The following SUPT6H variants were observed in gnomAD, a reference collection of about 807,000 sequenced individuals.
SUPT6H encodes the protein transcription elongation factor SPT6.
Under a neutral mutation model 222.3 loss-of-function variants are expected in SUPT6H, and 11 were observed. The ratio of observed to expected loss-of-function variants is 0.05; its 90% confidence interval spans 0.03 to 0.08. The LOEUF is 0.08. Ranked by LOEUF, SUPT6H falls within the 10% of genes least tolerant of loss-of-function variation. The pLI is 1.00. For synonymous variants in SUPT6H, 762 were observed against 801.2 expected, an observed-to-expected ratio of 0.95 and a Z score of 0.83; for missense variants, 1,422 against 2,216.0, an observed-to-expected ratio of 0.64 and a Z score of 7.19.
Position 28,697,045 on chromosome 17 carries a change from C to A in SUPT6H, c.4172C>A (p.Ala1391Asp). The change falls in exon 30 of 37, where the codon GCC becomes GAC. Residue 1391 changes from alanine (A) to aspartate (D), a missense_variant. Coordinates refer to ENST00000314616, the MANE Select transcript of SUPT6H (RefSeq NM_003170.5). ...VDVREEGKEN[A>D]FSLGATLWIN... ...GTGCGGGAGGAGGGCAAGGAAAATG[C>A]CTTCAGCCTGGGAGCCACTCTGTGG... 1 of 1,614,004 alleles carries A rather than the reference C, an allele frequency of 6.2e-7. No individual in the cohort carries two copies. The highest frequency in any genetic ancestry group is 8.5e-7 in the Non-Finnish European group (1 of 1,179,986).
chr17:28,697,820 T>G, intron 31 of SUPT6H, 86 bp from the exon 32 acceptor site: 1 of 1,605,580 alleles, frequency 6.2e-7, no homozygotes, highest in Non-Finnish European at 8.5e-7. Flanking sequence ...ACTCAGGCGG[T>G]GAAGGAAGTG....
At chr17:28,699,561 C>T (rs1386061690) in intron 32 of SUPT6H, among the ~76,000 whole-genome samples, 3 of 152,198 alleles carry the variant, frequency 2.0e-5, no homozygotes, top group African/African-American at 4.8e-5. Flanking sequence ...CTTCCTCCGG[C>T]AGTCCGTATG....
intron 20 of SUPT6H, 90 bp downstream of exon 20, chr17:28,686,505 G>A: frequency 6.5e-7 from 1 of 1,536,404 alleles, no homozygotes; most frequent in Non-Finnish European, 8.9e-7. Flanking sequence ...AACAGATGGG[G>A]CTTGTGCTTG....
chr17:28,698,082 G>A (rs1406381156), intron 32 of SUPT6H, 52 bp downstream of exon 32: 1 of 1,581,686 alleles, frequency 6.3e-7, no homozygotes, highest in Non-Finnish European at 8.5e-7. Context: ...AGGCAGGCTA[G>A]AAGGCAGGGA....
At chr17:28,679,816 C>G (rs2030989857) in intron 11 of SUPT6H, among the ~76,000 whole-genome samples, 2 of 151,144 alleles carry the variant, frequency 1.3e-5, no homozygotes, top group African/African-American at 2.4e-5. Context: ...ACAGTGAAAC[C>G]CTGTCTTTAC....
intron 27 of SUPT6H, 76 bp from the exon 28 acceptor site, chr17:28,693,620 C>A: frequency 1.3e-6 from 2 of 1,568,636 alleles, no homozygotes; most frequent in East Asian, 2.2e-5. Flanking sequence ...AATTACAACA[C>A]CTCTGGGAGC....
chr17:28,701,287 C>CA lies in SUPT6H; in HGVS notation c.4995-151dup, dbSNP rs2032122049. The CA allele has an allele frequency of 2.9e-6, 4 of 1,359,620 alleles. No individual in the cohort carries two copies. In the East Asian group the frequency reaches 9.4e-5, roughly 32 times the overall value. 84.2% of individuals were successfully genotyped at this position (1,359,620 alleles called of 1,614,324 possible). A position where few individuals can be genotyped will look rare whatever the true frequency, so the allele number is the denominator to read the frequency against. ...GTTTCTGGGTGAAGACGGAAGAGGG[C>CA]AGTATGGCAGCCAGCTGCTGCTGTA... On this transcript the variant is annotated intron_variant, in intron 36 of 36. Coordinates refer to ENST00000314616, the MANE Select transcript of SUPT6H (RefSeq NM_003170.5).
At chr17:28,695,950 C>A (rs2031885664) in intron 29 of SUPT6H, among the ~76,000 whole-genome samples, 1 of 151,696 alleles carries the variant, frequency 6.6e-6, no homozygotes, top group Admixed American at 6.6e-5. Context: ...AGCACTTGAG[C>A]CCAGGAGTTC....
At position 28,688,068 on chromosome 17, in the gene SUPT6H, C is replaced by T; in HGVS notation, c.3007-23C>T. 6.3e-7 allele frequency: 1 copy of T among 1,591,042 alleles called. No homozygotes were observed. The highest frequency in any genetic ancestry group is 8.6e-7 in the Non-Finnish European group (1 of 1,166,516). ...AGGTGGGGCCTGCTTACTGCCCTGG[C>T]TCAGTCCAGCTCTCTCCCCCAGATC... On this transcript the variant is annotated intron_variant, in intron 23 of 36. Coordinates refer to ENST00000314616, the MANE Select transcript of SUPT6H (RefSeq NM_003170.5). The surrounding 1 kb of genome is among the most constrained non-coding windows in gnomAD (Gnocchi z 4.3).
intron 5 of SUPT6H, 89 bp from the exon 6 acceptor site, chr17:28,675,312 C>T (rs1014301460): frequency 6.6e-7 from 1 of 1,509,246 alleles, no homozygotes; most frequent in South Asian, 1.2e-5. Context: ...CTCTGTTGCT[C>T]ACTGGCCACT....
intron 1 of SUPT6H, among the ~76,000 whole-genome samples, chr17:28,670,757 T>C (rs1208508691): frequency 6.6e-6 from 1 of 151,926 alleles, no homozygotes; most frequent in Admixed American, 6.6e-5. Context: ...TGGTGGTGCA[T>C]GCCTGTAATC....
At position 28,681,986 on chromosome 17, in the gene SUPT6H, A is replaced by T; in HGVS notation, c.1597+6A>T. ...CTGCCAGAGTGCTGGGCTAGGTAAA[A>T]GCTAGCTGCTTTGGGATTTAGGCAT... On this transcript the variant is annotated splice_donor_region_variant and intron_variant, in intron 13 of 36. Coordinates refer to ENST00000314616, the MANE Select transcript of SUPT6H (RefSeq NM_003170.5). 6.3e-7 allele frequency: 1 copy of T among 1,597,482 alleles called. No homozygotes were observed. The highest frequency in any genetic ancestry group is 8.5e-7 in the Non-Finnish European group (1 of 1,173,194).
At chr17:28,677,645 A>T (rs2030837769) in intron 7 of SUPT6H, 70 bp from the exon 8 acceptor site, 1 of 1,129,004 alleles carries the variant, frequency 8.9e-7, no homozygotes, top group Admixed American at 1.9e-5. Flanking sequence ...TTTCTGTCCA[A>T]AAAGGTATGT....
At chr17:28,697,152 C>G in intron 30 of SUPT6H, 70 bp downstream of exon 30, 5 of 1,353,404 alleles carry the variant, frequency 3.7e-6, no homozygotes, top group African/African-American at 1.4e-5. Context: ...AGGGTGCTTT[C>G]ACCTGACATT....
At position 28,682,945 on chromosome 17, in the gene SUPT6H, G is replaced by C; in HGVS notation, c.1731G>C (p.Gln577His). ...AGCTGCACCATTTTCCCCACAGCCA[G>C]TTCCCTACTCCAGAAGCTGTGCTAG... ...LELAKDYVCS[Q>H]FPTPEAVLEG... is the part of the protein sequence containing the mutation. The change falls in exon 15 of 37, where the codon CAG (glutamine) becomes CAC (histidine). Residue 577 changes from glutamine to histidine, a missense_variant. Gln to His is a conservative substitution (Grantham distance 24). This residue lies in a region of SUPT6H where 121 missense variants were observed against 158.0 expected (regional missense o/e 0.77). Coordinates refer to ENST00000314616, the MANE Select transcript of SUPT6H (RefSeq NM_003170.5). The C allele has an allele frequency of 6.2e-7, 1 of 1,611,864 alleles. No homozygotes were observed. Among genetic ancestry groups the C allele is most frequent in the Middle Eastern group, 1.7e-4 (1 of 6,042 alleles).
intron 23 of SUPT6H, 24 bp downstream of exon 23, chr17:28,687,495 A>T (rs758155995): frequency 8.7e-6 from 14 of 1,608,446 alleles, no homozygotes; most frequent in Non-Finnish European, 1.2e-5. Context: ...GAATTCAGAA[A>T]TTTTAAAACT....
intron 6 of SUPT6H, among the ~76,000 whole-genome samples, chr17:28,675,896 A>G (rs2030717301): frequency 6.6e-6 from 1 of 152,244 alleles, no homozygotes; most frequent in Admixed American, 6.5e-5. Context: ...ACTGAGCAAG[A>G]CATAGACCCG....
At chr17:28,684,553 T>C (rs773597983) in intron 17 of SUPT6H, 33 bp from the exon 18 acceptor site, 59 of 1,613,220 alleles carry the variant, frequency 3.7e-5, no homozygotes, top group Non-Finnish European at 4.8e-5. Flanking sequence ...AATGTCATCA[T>C]GTATGTAATA....
In SUPT6H at chr17:28,688,889, G is replaced by T; in HGVS notation, c.3135-465G>T. On this transcript the variant is annotated intron_variant, in intron 24 of 36. Coordinates refer to ENST00000314616, the MANE Select transcript of SUPT6H (RefSeq NM_003170.5). This position sits in a 1 kb window ranked among gnomAD's most constrained non-coding sequence, Gnocchi z 4.3. ...TGGGAAGGCTTTATGGGGGAAAATA[G>T]CTATCAGCAAATTTTCAAAGGTTTT... The T allele has an allele frequency of 6.0e-6, 1 of 166,678 alleles. No individual in the cohort carries two copies. Among genetic ancestry groups the T allele is most frequent in the Admixed American group, 5.9e-5 (1 of 16,918 alleles). The allele number at this position is 166,678 out of a possible 1,614,324, so 10.3% of individuals were successfully genotyped here.
Sources: gnomAD v4.1 joint callset for allele counts (sites outside exome capture counted in the v4.1 genomes callset) on GRCh38, gnomAD v4.1.1 for gene constraint, gnomAD v4.1.1 regional missense constraint, Gnocchi (gnomAD v3.1) non-coding constraint, MANE v1.5 for transcripts, NCBI Gene and HGNC (gene_info 2026-07-23, HGNC 2026-07-21) for gene names.